Variants in LGR5 observed in about 807,000 individuals in gnomAD.
LGR5 encodes the protein leucine-rich repeat-containing G protein-coupled receptor 5.
Under a neutral mutation model 76.7 loss-of-function variants are expected in LGR5, and 54 were observed. The ratio of observed to expected loss-of-function variants is 0.70; its 90% CI spans 0.57 to 0.88. The LOEUF (loss-of-function observed/expected upper bound fraction) is 0.88. Ranked by LOEUF, LGR5 falls within the 40% of genes least tolerant of loss-of-function variation. The pLI is 0.00. For synonymous variants in LGR5, 406 were observed against 421.9 expected (o/e 0.96, Z 0.46); for missense variants, 1,078 against 1,073.3 (o/e 1.00, Z -0.06).
At chr12:71,544,233 A>G (rs941195) in intron 4 of LGR5, among the ~76,000 whole-genome samples, 20,707 of 147,880 alleles carry the variant, frequency 0.14, 1,551 homozygotes, top group Middle Eastern at 0.18. Context: ...TCTCTCCCCA[A>G]CCTGGAGAGG....
In LGR5 at chr12:71,494,249, A is replaced by AT. The variant is rs1225870735; in HGVS notation, c.213-10356dup. On this transcript the variant is annotated intron_variant, in intron 1 of 17. Coordinates refer to ENST00000266674, the MANE Select transcript of LGR5 (RefSeq NM_003667.4). ...GCGTGAGCCACTGCGCCCGGCCTTG[A>AT]TTTTTTTTTGTAGAGACTAGGTCTC... Among the ~76,000 whole-genome samples, 53 of 149,362 alleles carry AT rather than the reference A, an allele frequency of 3.5e-4. 1 individual carries two copies. Among genetic ancestry groups the AT allele is most frequent in the Non-Finnish European group, 5.3e-4 (36 of 67,508 alleles).
Position 71,553,122 on chromosome 12 carries a change from G to T in LGR5, c.478G>T (p.Gly160Cys). The part of the protein sequence containing the change: ...ISYVPPSCFS[G>C]LHSLRHLWLD... ...CTATGTGCCCCCAAGCTGTTTCAGT[G>T]GCCTGCATTCCCTGAGGCACCTGTG... The change falls in exon 5 of 18, where the codon GGC (glycine) becomes TGC (cysteine). Residue 160 changes from glycine to cysteine, a missense_variant. Physicochemically the swap from Gly to Cys is radical, Grantham distance 159 (BLOSUM62 -3). Transcript: ENST00000266674. 1 of 1,613,924 alleles carries T rather than the reference G, an allele frequency of 6.2e-7. No homozygotes were observed. Among genetic ancestry groups the T allele is most frequent in the Non-Finnish European group, 8.5e-7 (1 of 1,179,998 alleles).
intron 5 of LGR5, among the ~76,000 whole-genome samples, chr12:71,555,038 C>A (rs11831776): frequency 0.027 from 4,048 of 152,204 alleles, 186 homozygotes; most frequent in African/African-American, 0.093. Context: ...GTATATACTC[C>A]TTTGAGGGCT....
intron 3 of LGR5, among the ~76,000 whole-genome samples, chr12:71,533,725 A>G (rs907866491): frequency 1.3e-5 from 2 of 152,222 alleles, no homozygotes; most frequent in African/African-American, 4.8e-5. Flanking sequence ...GCATTGTTCT[A>G]TGAACCTTCA....
Position 71,529,586 on chromosome 12 carries a change from C to T in LGR5, c.356+5109C>T, listed in dbSNP as rs1876197539. Among the ~76,000 whole-genome samples, 3 of 152,268 alleles carry T rather than the reference C, an allele frequency of 2.0e-5. No homozygotes were observed. The South Asian group carries it at 6.2e-4, about 32-fold the overall frequency. On this transcript the variant is annotated intron_variant, in intron 3 of 17. Transcript: ENST00000266674. ...ATTCTAGTATCCATCTAGATCTCTA[C>T]TCTCATGTTCCCATTCTCATACAGA...
intron 1 of LGR5, among the ~76,000 whole-genome samples, chr12:71,462,577 C>T (rs1872724687): frequency 1.3e-5 from 2 of 152,148 alleles, no homozygotes; most frequent in Admixed American, 6.5e-5. Flanking sequence ...TTCTCAACTA[C>T]AGTCTCCTCA....
upstream of LGR5, among the ~76,000 whole-genome samples, chr12:71,439,379 T>C (rs1227308754): frequency 3.3e-5 from 5 of 152,192 alleles, no homozygotes; most frequent in Non-Finnish European, 7.3e-5. Flanking sequence ...TTATTCTGTT[T>C]AATCACTTCA....
At chr12:71,583,425 C>T (rs1177684183) in intron 17 of LGR5, 2 of 539,718 alleles carry the variant, frequency 3.7e-6, no homozygotes, top group Middle Eastern at 4.2e-4. Flanking sequence ...TCCATCAATA[C>T]CCTGGAACAG....
Position 71,547,514 on chromosome 12 carries a change from C to A in LGR5, c.429-5559C>A, listed in dbSNP as rs1317433234. ...GAAGGTTTTCCTCAAATAATAAAGT[C>A]TGTCATTAAACAGTAGAATGCTTAC... is the stretch of plus-strand genomic sequence containing the variant. On this transcript the variant is annotated intron_variant, in intron 4 of 17. Transcript: ENST00000266674. 2.6e-5 allele frequency among the ~76,000 whole-genome samples: 4 copies of A among 152,172 alleles called. No individual in the cohort carries two copies. The East Asian group carries it at 7.7e-4, about 29-fold the overall frequency.
intron 1 of LGR5, among the ~76,000 whole-genome samples, chr12:71,455,218 G>A (rs1872421646): frequency 6.6e-6 from 1 of 152,068 alleles, no homozygotes; most frequent in Non-Finnish European, 1.5e-5. Context: ...CACTGATCTG[G>A]GCCCAGCTAC....
At chr12:71,509,237 T>C (rs1374152957) in intron 2 of LGR5, among the ~76,000 whole-genome samples, 1 of 152,178 alleles carries the variant, frequency 6.6e-6, no homozygotes, top group Admixed American at 6.5e-5. Flanking sequence ...TTTTAAGGTG[T>C]TTCCAAGAAT....
At chr12:71,577,748 C>T (rs1368176892) in intron 13 of LGR5, among the ~76,000 whole-genome samples, 177 bp from the exon 14 acceptor site, 1 of 152,186 alleles carries the variant, frequency 6.6e-6, no homozygotes, top group Non-Finnish European at 1.5e-5. Flanking sequence ...ATTTAAAGTT[C>T]TCTCATTAGT....
At chr12:71,561,889 G>A (rs1191337932) in intron 8 of LGR5, 37 bp downstream of exon 8, 2 of 1,168,174 alleles carry the variant, frequency 1.7e-6, no homozygotes, top group Non-Finnish European at 2.5e-6. Flanking sequence ...TCTCCATCCT[G>A]AAATATAGCA....
intron 1 of LGR5, among the ~76,000 whole-genome samples, chr12:71,473,056 A>G (rs1170766276): frequency 1.3e-5 from 2 of 152,204 alleles, no homozygotes; most frequent in African/African-American, 2.4e-5. Context: ...CACATATACT[A>G]TGCTATCAAT....
chr12:71,466,170 T>G (rs1292177074), intron 1 of LGR5, among the ~76,000 whole-genome samples: 1 of 152,208 alleles, frequency 6.6e-6, no homozygotes, highest in Non-Finnish European at 1.5e-5. Context: ...AATAGGACAG[T>G]TTTTTTGTTT....
chr12:71,557,241 T>C (rs1877817078), intron 6 of LGR5, among the ~76,000 whole-genome samples: 1 of 152,284 alleles, frequency 6.6e-6, no homozygotes, highest in Non-Finnish European at 1.5e-5. Context: ...GCTGTGACCA[T>C]GCCACTGCAC....
At chr12:71,491,966 G>A (rs1314373744) in intron 1 of LGR5, among the ~76,000 whole-genome samples, 1 of 151,806 alleles carries the variant, frequency 6.6e-6, no homozygotes, top group Non-Finnish European at 1.5e-5. Context: ...ACTAGTACAA[G>A]TAATTACAAA....
intron 13 of LGR5, among the ~76,000 whole-genome samples, chr12:71,575,526 T>C (rs953776224): frequency 7.9e-5 from 12 of 151,964 alleles, no homozygotes; most frequent in Non-Finnish European, 1.2e-4. Context: ...GTGGCCAACA[T>C]GGTGAAACCC....
At chr12:71,527,733 G>A (rs149249802) in intron 3 of LGR5, among the ~76,000 whole-genome samples, 8 of 152,224 alleles carry the variant, frequency 5.3e-5, no homozygotes, top group Middle Eastern at 3.4e-3. Context: ...ATTGCATTGG[G>A]GATTAAGTTT....
Sources: gnomAD v4.1 joint callset for allele counts (sites outside exome capture counted in the v4.1 genomes callset) on GRCh38, gnomAD v4.1.1 for gene constraint, MANE v1.5 for transcripts, NCBI Gene and HGNC (gene_info 2026-07-23, HGNC 2026-07-21) for gene names.